The following MRPL48 variants were observed in gnomAD, a reference collection of about 807,000 sequenced individuals.
MRPL48 encodes large ribosomal subunit protein mL48.
A neutral mutation model predicts 32.9 loss-of-function variants in MRPL48; 16 were observed. The observed-to-expected ratio is 0.49, with a 90% CI of 0.33 to 0.74. The LOEUF (loss-of-function observed/expected upper bound fraction) is 0.74, where lower values mean the gene tolerates loss of function less well. Among genes scored for constraint, MRPL48 ranks in the 30% least tolerant of loss-of-function variants. The probability of loss-of-function intolerance (pLI) is 0.02; values close to 1 mark genes in which losing one functional copy is unlikely to be tolerated. For missense variants in MRPL48, 206 were observed against 245.3 expected (o/e 0.84, Z 1.07); for synonymous variants, 94 against 89.2 (o/e 1.05, Z -0.31).
intron 1 of MRPL48, among the ~76,000 whole-genome samples, chr11:73,795,079 T>A (rs187857002): frequency 1.3e-3 from 190 of 151,690 alleles, no homozygotes; most frequent in Non-Finnish European, 2.3e-3. Flanking sequence ...ACCCAGCTAA[T>A]TTTTTTGTAT....
At chr11:73,861,130 A>C (rs997365575) in intron 6 of MRPL48, among the ~76,000 whole-genome samples, 7 of 152,214 alleles carry the variant, frequency 4.6e-5, no homozygotes, top group South Asian at 2.1e-4. Flanking sequence ...ATGAATATTA[A>C]ATTTAAGTCT....
chr11:73,851,694 C>T (rs1334758126), intron 5 of MRPL48, among the ~76,000 whole-genome samples: 1 of 143,918 alleles, frequency 6.9e-6, no homozygotes, highest in Admixed American at 6.9e-5. Context: ...GCACCCACTA[C>T]AAGGCCTGCC....
At chr11:73,795,013 C>G (rs1001944040) in intron 1 of MRPL48, among the ~76,000 whole-genome samples, 2 of 151,606 alleles carry the variant, frequency 1.3e-5, no homozygotes, top group Non-Finnish European at 2.9e-5. Context: ...TGGGTTCAAG[C>G]AATTCTCCTG....
chr11:73,794,720 T>TTATGAGGGC (rs1319440755), intron 1 of MRPL48, among the ~76,000 whole-genome samples: 1 of 151,902 alleles, frequency 6.6e-6, no homozygotes, highest in Non-Finnish European at 1.5e-5. Context: ...AGCACTTGTG[T>TTATGAGGGC]TATGAGGGCA....
In MRPL48 at chr11:73,816,724, A is replaced by C. The variant is rs559369602; in HGVS notation, c.112+8374A>C. On this transcript the variant is annotated intron_variant, in intron 3 of 7. Transcript: ENST00000310614. ...GGTGATCCGCCCGCCTTGGCCTCCT[A>C]AATTGTTGGGATTACAGGCATGAGC... Among the ~76,000 whole-genome samples the C allele has an allele frequency of 4.6e-5, 7 of 151,550 alleles. No individual in the cohort carries two copies. In the South Asian group the frequency reaches 1.5e-3, roughly 32 times the overall value.
At chr11:73,823,357 C>G (rs1330099239) in intron 3 of MRPL48, among the ~76,000 whole-genome samples, 1 of 152,178 alleles carries the variant, frequency 6.6e-6, no homozygotes, top group Non-Finnish European at 1.5e-5. Context: ...GAAGGACTTG[C>G]TGCCCATATC....
chr11:73,805,854 T>G (rs1947442448), intron 2 of MRPL48, among the ~76,000 whole-genome samples: 1 of 151,932 alleles, frequency 6.6e-6, no homozygotes. Context: ...AGACAGGGTT[T>G]TGCCATGTTG....
intron 5 of MRPL48, among the ~76,000 whole-genome samples, chr11:73,847,860 G>T (rs1316301166): frequency 1.3e-5 from 2 of 152,106 alleles, no homozygotes; most frequent in African/African-American, 2.4e-5. Context: ...GATTACAGTT[G>T]TGAGTCACTG....
chr11:73,799,446 G>A (rs988540178), intron 1 of MRPL48, among the ~76,000 whole-genome samples: 1 of 152,196 alleles, frequency 6.6e-6, no homozygotes, highest in African/African-American at 2.4e-5. Flanking sequence ...TGCAACAGGA[G>A]TATAGGATAT....
intron 3 of MRPL48, among the ~76,000 whole-genome samples, chr11:73,809,740 A>G (rs186035454): frequency 2.4e-4 from 36 of 152,320 alleles, no homozygotes; most frequent in African/African-American, 8.2e-4. Context: ...AGAAATTTCA[A>G]TGGAGTTGTT....
chr11:73,827,986 C>T lies in MRPL48; in HGVS notation c.201+2190C>T, dbSNP rs527446463. ...GTCAACCTTCCCCGTCTAGGCATGG[C>T]GGGTCCTGAAATTATATGTAAAATG... On this transcript the variant is annotated intron_variant, in intron 4 of 7. Transcript: ENST00000310614. Among the ~76,000 whole-genome samples, 24 of 152,144 alleles carry T rather than the reference C, an allele frequency of 1.6e-4. No homozygotes were observed. The East Asian group carries it at 2.9e-3, about 18-fold the overall frequency.
chr11:73,827,129 A>T (rs189387102), intron 4 of MRPL48, among the ~76,000 whole-genome samples: 36 of 151,868 alleles, frequency 2.4e-4, no homozygotes, highest in African/African-American at 8.2e-4. Context: ...TTACACCTGT[A>T]ATCCCAGCAA....
chr11:73,859,207 G>C (rs1157651217), intron 5 of MRPL48, among the ~76,000 whole-genome samples: 1 of 152,120 alleles, frequency 6.6e-6, no homozygotes, highest in Non-Finnish European at 1.5e-5. Context: ...CTCCAGAACA[G>C]ATTAAATACC....
intron 5 of MRPL48, among the ~76,000 whole-genome samples, chr11:73,853,508 A>G (rs558944557): frequency 6.6e-6 from 1 of 152,140 alleles, no homozygotes; most frequent in South Asian, 2.1e-4. Context: ...TTCCTCATCT[A>G]TATAATGAGG....
chr11:73,815,742 G>A (rs887562251), intron 3 of MRPL48, among the ~76,000 whole-genome samples: 3 of 152,040 alleles, frequency 2.0e-5, no homozygotes, highest in African/African-American at 7.2e-5. Context: ...CTCCCAAAGT[G>A]CTGGGACCGC....
chr11:73,807,762 C>T (rs913466275), intron 2 of MRPL48, among the ~76,000 whole-genome samples: 4 of 151,644 alleles, frequency 2.6e-5, no homozygotes, highest in Admixed American at 1.3e-4. Flanking sequence ...CTCAGCCTCC[C>T]GATTAGCTGG....
rs540980376 is a variant in MRPL48, at chr11:73,863,422, T to A, written c.564+161T>A. Among the ~76,000 whole-genome samples, 30 of 152,326 alleles carry A rather than the reference T, an allele frequency of 2.0e-4. No homozygotes were observed. In the South Asian group the frequency reaches 6.0e-3, roughly 30 times the overall value. ...GTACACTCTGATGACACTGTGATCATTAGTCCAGCTTCTGAGGCATCAGGG... is the reference window on the plus strand; with the variant it reads ...GTACACTCTGATGACACTGTGATCAATAGTCCAGCTTCTGAGGCATCAGGG... On this transcript the variant is annotated intron_variant, in intron 7 of 7. Coordinates refer to ENST00000310614, the MANE Select transcript of MRPL48 (RefSeq NM_016055.6).
intron 5 of MRPL48, among the ~76,000 whole-genome samples, chr11:73,850,192 C>T (rs992548085): frequency 7.3e-5 from 11 of 149,702 alleles, no homozygotes; most frequent in Non-Finnish European, 1.2e-4. Context: ...AAAAATTACA[C>T]TTGCTTTTTT....
chr11:73,792,832 T>C (rs1947176363), intron 1 of MRPL48, among the ~76,000 whole-genome samples: 1 of 152,250 alleles, frequency 6.6e-6, no homozygotes, highest in African/African-American at 2.4e-5. Context: ...TGTTACCAGT[T>C]TGACCATTAA....
Sources: allele counts gnomAD v4.1 joint callset (sites outside exome capture counted in the v4.1 genomes callset), GRCh38; gene constraint gnomAD v4.1.1; transcripts MANE v1.5; gene names NCBI Gene and HGNC (gene_info 2026-07-23, HGNC 2026-07-21).